The following NFIB variants were observed in gnomAD, a reference collection of about 807,000 sequenced individuals.
The protein encoded by NFIB is nuclear factor 1 B-type.
In NFIB, 11 loss-of-function variants were observed where a neutral mutation model predicts 61.5. The ratio of observed to expected loss-of-function variants is 0.18; its 90% CI spans 0.11 to 0.30. The LOEUF (loss-of-function observed/expected upper bound fraction) is 0.30, where lower values mean the gene tolerates loss of function less well. Among genes scored for constraint, NFIB ranks in the 10% least tolerant of loss-of-function variants. The pLI is 1.00. For synonymous variants in NFIB, 260 were observed against 216.5 expected, an observed-to-expected ratio of 1.20 and a Z score of -1.76; for missense variants, 471 against 608.9, an observed-to-expected ratio of 0.77 and a Z score of 2.38.
chr9:14,314,715 C>A (rs1353972614), upstream of NFIB: 1 of 135,370 alleles, frequency 7.4e-6, no homozygotes, highest in African/African-American at 2.7e-5. Flanking sequence ...CCTTCCTCCT[C>A]CTCCTCCTTC....
chr9:14,083,540 A>G lies in NFIB; in HGVS notation c.*4769T>C, dbSNP rs915787739. 1.3e-5 allele frequency: 3 copies of G among 225,336 alleles called. No homozygotes were observed. Among genetic ancestry groups the G allele is most frequent in the Non-Finnish European group, 2.7e-5 (3 of 113,094 alleles). 14.0% of individuals were successfully genotyped at this position (225,336 alleles called of 1,614,324 possible). On this transcript the variant is annotated 3_prime_UTR_variant, in exon 11 of 11. Coordinates refer to ENST00000380953, the MANE Select transcript of NFIB (RefSeq NM_001190737.2). The stretch of plus-strand genomic sequence containing the variant: ...CCCAATTTCTTAAAGTCCAGAAAGC[A>G]TGCAGCTGGTTAATGTTAACAAAAG...
chr9:14,204,166 G>C (rs1587579764), intron 2 of NFIB: 1 of 475,392 alleles, frequency 2.1e-6, no homozygotes, highest in South Asian at 4.4e-5. Flanking sequence ...ATTAACAAAA[G>C]AAAACCTTTT....
At chr9:14,185,546 A>G (rs2047247926) in intron 2 of NFIB, among the ~76,000 whole-genome samples, 1 of 152,046 alleles carries the variant, frequency 6.6e-6, no homozygotes, top group South Asian at 2.1e-4. Flanking sequence ...CATCCCCTTT[A>G]CATCCTCAAC....
chr9:14,477,384 T>C, the NFIB span, among the ~76,000 whole-genome samples: 1 of 152,232 alleles, frequency 6.6e-6, no homozygotes, highest in South Asian at 2.1e-4. Flanking sequence ...TAAGTGAATG[T>C]ATATCTAAAT....
the NFIB span, among the ~76,000 whole-genome samples, chr9:14,507,637 G>A: frequency 6.6e-6 from 1 of 152,136 alleles, no homozygotes; most frequent in African/African-American, 2.4e-5. Flanking sequence ...TCTTGGTAAT[G>A]GGAAGATAAT....
the NFIB span, among the ~76,000 whole-genome samples, chr9:14,492,546 C>A: frequency 6.6e-6 from 1 of 152,008 alleles, no homozygotes; most frequent in Non-Finnish European, 1.5e-5. Context: ...GGGGAAGCAG[C>A]ACTTCACATG....
At position 14,307,623 on chromosome 9, in the gene NFIB, C is replaced by T. The variant is rs541582016; in HGVS notation, c.31-103G>A. 24 of 1,108,320 alleles carry T rather than the reference C, an allele frequency of 2.2e-5. No homozygotes were observed. The South Asian group carries it at 4.0e-4, about 19-fold the overall frequency. 68.7% of individuals were successfully genotyped at this position (1,108,320 alleles called of 1,614,324 possible). ...ACCACAACCCGTTTCCAATTCAGTA[C>T]AAAAAGTTATACATGAAAATAACAT... On this transcript the variant is annotated intron_variant, in intron 1 of 10. Transcript: ENST00000380953. This position sits in a 1 kb window ranked among gnomAD's most constrained non-coding sequence, Gnocchi z 5.3.
At chr9:14,178,783 T>C (rs575856722) in intron 3 of NFIB, among the ~76,000 whole-genome samples, 1 of 152,272 alleles carries the variant, frequency 6.6e-6, no homozygotes, top group South Asian at 2.1e-4. Flanking sequence ...AGCCTCATAT[T>C]AGCTAAGCAC....
chr9:14,389,881 A>C (rs1334388290), intron 1 of NFIB, among the ~76,000 whole-genome samples: 2 of 152,240 alleles, frequency 1.3e-5, no homozygotes, highest in East Asian at 3.8e-4. Flanking sequence ...GAATCAAAGA[A>C]ATGTGACATT....
At chr9:14,129,697 T>C (rs1328070069) in intron 6 of NFIB, among the ~76,000 whole-genome samples, 2 of 152,206 alleles carry the variant, frequency 1.3e-5, no homozygotes, top group South Asian at 2.1e-4. Context: ...GAAAAACAAA[T>C]ACCACGCTTT....
chr9:14,130,842 A>G (rs551709570), intron 6 of NFIB, among the ~76,000 whole-genome samples: 2 of 152,350 alleles, frequency 1.3e-5, no homozygotes, highest in African/African-American at 4.8e-5. Context: ...CTTAAAATTC[A>G]TGTTCCATGA....
intron 1 of NFIB, among the ~76,000 whole-genome samples, chr9:14,360,365 A>C (rs1360900833): frequency 6.6e-6 from 1 of 152,216 alleles, no homozygotes; most frequent in Non-Finnish European, 1.5e-5. Context: ...TTTTCCGAAC[A>C]GTTCTAAATT....
chr9:14,444,478 A>G, the NFIB span, among the ~76,000 whole-genome samples: 1 of 152,328 alleles, frequency 6.6e-6, no homozygotes, highest in Admixed American at 6.5e-5. Flanking sequence ...GCATAATGGT[A>G]ATTGTTGAAA....
intron 10 of NFIB, chr9:14,102,509 AGCT>A (rs1354622856): frequency 6.5e-7 from 1 of 1,550,194 alleles, no homozygotes; most frequent in Admixed American, 2.0e-5. Flanking sequence ...ACAAATCCTC[AGCT>A]GTCAATTGAA....
intron 3 of NFIB, among the ~76,000 whole-genome samples, chr9:14,176,059 T>G (rs1410514580): frequency 1.3e-5 from 2 of 152,160 alleles, no homozygotes; most frequent in African/African-American, 4.8e-5. Context: ...AAGTCAAAGC[T>G]AATTTCCAAA....
chr9:14,098,574 A>G (rs1267386754), intron 10 of NFIB, among the ~76,000 whole-genome samples: 1 of 152,242 alleles, frequency 6.6e-6, no homozygotes, highest in Non-Finnish European at 1.5e-5. Context: ...CATAACTCAC[A>G]TATGCAACAA....
intron 10 of NFIB, among the ~76,000 whole-genome samples, chr9:14,089,364 T>TAAAA (rs577188593): frequency 1.5e-5 from 2 of 134,654 alleles, no homozygotes; most frequent in African/African-American, 2.7e-5. Context: ...TACAGGCTGT[T>TAAAA]AAAAAAAAAA....
At chr9:14,248,777 C>T (rs941984864) in intron 2 of NFIB, among the ~76,000 whole-genome samples, 13 of 152,176 alleles carry the variant, frequency 8.5e-5, no homozygotes, top group Admixed American at 1.3e-4. Context: ...AGCCCAGGAA[C>T]GTCTGCAGGG....
At chr9:14,475,317 C>G in the NFIB span, among the ~76,000 whole-genome samples, 8 of 152,148 alleles carry the variant, frequency 5.3e-5, no homozygotes, top group African/African-American at 1.9e-4. Flanking sequence ...CTCAAGTTCC[C>G]CTCAAGAAAC....
Sources: gnomAD v4.1 joint callset for allele counts (sites outside exome capture counted in the v4.1 genomes callset) on GRCh38, gnomAD v4.1.1 for gene constraint, Gnocchi (gnomAD v3.1) non-coding constraint, MANE v1.5 for transcripts, NCBI Gene and HGNC (gene_info 2026-07-23, HGNC 2026-07-21) for gene names.